Variants in LY96 observed in about 807,000 individuals in gnomAD.
LY96 encodes the protein lymphocyte antigen 96, also known as myeloid differentiation protein-2.
LY96 carries 18 observed loss-of-function variants against 18.9 expected under a neutral mutation model. The observed-to-expected ratio is 0.95, with a 90% CI of 0.66 to 1.41. The LOEUF (loss-of-function observed/expected upper bound fraction) is 1.41, where lower values mean the gene tolerates loss of function less well. Among genes scored for constraint, LY96 ranks in the 40% most tolerant of loss-of-function variants. The probability of loss-of-function intolerance (pLI) is 0.00; values close to 1 mark genes in which losing one functional copy is unlikely to be tolerated. For synonymous variants in LY96, 66 were observed against 62.6 expected, an observed-to-expected ratio of 1.06 and a Z score of -0.26; for missense variants, 175 against 182.4, an observed-to-expected ratio of 0.96 and a Z score of 0.23.
the LY96 span, among the ~76,000 whole-genome samples, chr8:74,061,284 C>T: frequency 0.011 from 1,745 of 152,242 alleles, 38 homozygotes; most frequent in African/African-American, 0.039. Flanking sequence ...GGATTAATGC[C>T]GTTATAAGAA....
chr8:74,073,108 C>A, the LY96 span, among the ~76,000 whole-genome samples: 1 of 152,130 alleles, frequency 6.6e-6, no homozygotes, highest in Non-Finnish European at 1.5e-5. Flanking sequence ...TGAGCTAAAC[C>A]CACACAAACA....
chr8:74,046,323 C>G, the LY96 span, among the ~76,000 whole-genome samples: 1 of 152,084 alleles, frequency 6.6e-6, no homozygotes, highest in Non-Finnish European at 1.5e-5. Context: ...AAGAATCTGA[C>G]AGTCAAGTGT....
At chr8:73,999,268 C>A (rs1428575248) in intron 1 of LY96, among the ~76,000 whole-genome samples, 1 of 151,998 alleles carries the variant, frequency 6.6e-6, no homozygotes, top group African/African-American at 2.4e-5. Context: ...CCACACCTGG[C>A]AATTTTAATT....
the LY96 span, among the ~76,000 whole-genome samples, chr8:74,075,713 T>A: frequency 6.6e-6 from 1 of 152,238 alleles, no homozygotes; most frequent in Non-Finnish European, 1.5e-5. Context: ...GTAATTCCTA[T>A]TAGTGAAAAT....
the LY96 span, among the ~76,000 whole-genome samples, chr8:74,034,301 G>A: frequency 6.6e-6 from 1 of 152,114 alleles, no homozygotes; most frequent in African/African-American, 2.4e-5. Flanking sequence ...GAGCCTGGGA[G>A]ATGGAGGTTG....
At chr8:74,054,577 CCCCT>C in the LY96 span, among the ~76,000 whole-genome samples, 1 of 107,728 alleles carries the variant, frequency 9.3e-6, no homozygotes, top group African/African-American at 3.7e-5. Flanking sequence ...CCCTCCCTCC[CCCCT>C]CCCTCCTTTC....
chr8:74,043,464 T>C, the LY96 span, among the ~76,000 whole-genome samples: 1 of 152,090 alleles, frequency 6.6e-6, no homozygotes, highest in East Asian at 1.9e-4. Context: ...GGGACTGCAG[T>C]TGGGATAGAC....
chr8:74,054,673 T>C, the LY96 span, among the ~76,000 whole-genome samples: 2 of 144,686 alleles, frequency 1.4e-5, no homozygotes, highest in African/African-American at 2.6e-5. Context: ...TCTTTCTTTC[T>C]TTTTATTTGA....
the LY96 span, among the ~76,000 whole-genome samples, chr8:74,085,165 A>G: frequency 6.6e-6 from 1 of 152,246 alleles, no homozygotes; most frequent in Admixed American, 6.5e-5. Context: ...CAAAATGCCT[A>G]CAACAACCCT....
chr8:74,042,086 A>G, the LY96 span, among the ~76,000 whole-genome samples: 88 of 152,270 alleles, frequency 5.8e-4, no homozygotes, highest in African/African-American at 1.9e-3. Flanking sequence ...GCTGACACTT[A>G]CGGAAAATAG....
the LY96 span, among the ~76,000 whole-genome samples, chr8:74,096,691 G>A: frequency 6.6e-6 from 1 of 152,126 alleles, no homozygotes; most frequent in African/African-American, 2.4e-5. Flanking sequence ...ATCTTCATGG[G>A]GGCGGGGACT....
Position 74,010,005 on chromosome 8 carries a change from A to G in LY96, c.207A>G (p.Arg69=). The G allele has an allele frequency of 6.3e-7, 1 of 1,598,040 alleles. No individual in the cohort carries two copies. The highest frequency in any genetic ancestry group is 8.6e-7 in the Non-Finnish European group (1 of 1,165,632). The change falls in exon 3 of 5, where the codon AGA becomes AGG. Residue 69 remains arginine (R), a synonymous_variant. Transcript: ENST00000284818. The stretch of plus-strand genomic sequence containing the variant: ...ATGGGATTTTTTCTTTTAAAGGGAG[A>G]GATTTAAAGCAATTATATTTCAATC... ...GLLHIFYIPR[R]DLKQLYFNLY...
At chr8:74,010,909 T>A (rs1472724462) in intron 3 of LY96, among the ~76,000 whole-genome samples, 1 of 75,256 alleles carries the variant, frequency 1.3e-5, no homozygotes, top group Non-Finnish European at 2.2e-5. Flanking sequence ...CAGATTACTG[T>A]TTTTTTTTTT....
chr8:74,094,345 A>C, the LY96 span, among the ~76,000 whole-genome samples: 1 of 152,164 alleles, frequency 6.6e-6, no homozygotes. Context: ...TAATGAACTC[A>C]TGAGTAGATA....
At chr8:74,008,139 C>T (rs542021675) in intron 2 of LY96, among the ~76,000 whole-genome samples, 29 of 152,308 alleles carry the variant, frequency 1.9e-4, no homozygotes, top group African/African-American at 7.0e-4. Context: ...CTCATTGTTG[C>T]CATCGTTCAT....
the LY96 span, among the ~76,000 whole-genome samples, chr8:74,094,986 C>T: frequency 6.6e-6 from 1 of 152,138 alleles, no homozygotes; most frequent in Non-Finnish European, 1.5e-5. Context: ...GCAGGTTTGG[C>T]CTTGAATGCA....
At chr8:74,082,582 C>T in the LY96 span, among the ~76,000 whole-genome samples, 12 of 152,258 alleles carry the variant, frequency 7.9e-5, no homozygotes, top group South Asian at 2.1e-4. Flanking sequence ...ATTTCCTTTT[C>T]TCACCCATCG....
chr8:74,008,527 G>A (rs1420058999), intron 2 of LY96, among the ~76,000 whole-genome samples: 3 of 152,188 alleles, frequency 2.0e-5, no homozygotes, highest in Non-Finnish European at 4.4e-5. Context: ...AGGAAAGTTG[G>A]TGGTGCTTCA....
chr8:74,054,995 C>T, the LY96 span, among the ~76,000 whole-genome samples: 2 of 152,080 alleles, frequency 1.3e-5, no homozygotes, highest in African/African-American at 4.8e-5. Context: ...CAGCCTTGAC[C>T]TTCCCAGGCT....
Sources: gnomAD v4.1 joint callset for allele counts (sites outside exome capture counted in the v4.1 genomes callset) on GRCh38, gnomAD v4.1.1 for gene constraint, MANE v1.5 for transcripts, NCBI Gene and HGNC (gene_info 2026-07-23, HGNC 2026-07-21) for gene names.